CD5: variants seen among roughly 807,000 people sequenced by gnomAD.
CD5 encodes CD5 molecule, also known as T-cell surface glycoprotein CD5.
A neutral mutation model predicts 60.3 loss-of-function variants in CD5; 36 were observed. That is an observed-to-expected ratio of 0.60 (90% CI 0.46 to 0.79). The LOEUF (loss-of-function observed/expected upper bound fraction) is 0.79, where lower values mean the gene tolerates loss of function less well. CD5 is among the 30% of genes least tolerant of loss of function. CD5 has a pLI of 0.00. For synonymous variants in CD5, 230 were observed against 257.6 expected (o/e 0.89, Z 1.03); for missense variants, 540 against 630.6 (o/e 0.86, Z 1.54).
At chr11:61,109,529 T>A (rs920760666) in intron 1 of CD5, among the ~76,000 whole-genome samples, 1 of 149,850 alleles carries the variant, frequency 6.7e-6, no homozygotes, top group South Asian at 2.1e-4. Context: ...TTTTTTTTTT[T>A]AATTTGGCTC....
chr11:61,103,850 A>G (rs1203572176), intron 1 of CD5, among the ~76,000 whole-genome samples: 13 of 79,028 alleles, frequency 1.6e-4, no homozygotes, highest in Non-Finnish European at 2.7e-4. Context: ...GTGGGGGGGA[A>G]TGTGTGAGTC....
intron 1 of CD5, among the ~76,000 whole-genome samples, chr11:61,105,108 C>G (rs113201281): frequency 0.018 from 2,685 of 152,346 alleles, 67 homozygotes; most frequent in South Asian, 0.059. Flanking sequence ...TGGCTGGCAT[C>G]GGGGCTTGGG....
chr11:61,096,529 G>A, the CD5 span, among the ~76,000 whole-genome samples: 2 of 152,164 alleles, frequency 1.3e-5, no homozygotes, highest in Non-Finnish European at 1.5e-5. Flanking sequence ...TGTCTACCAC[G>A]GACCTGCTCG....
At chr11:61,110,327 CTG>C (rs1248498602) in intron 1 of CD5, among the ~76,000 whole-genome samples, 1 of 152,228 alleles carries the variant, frequency 6.6e-6, no homozygotes, top group Admixed American at 6.5e-5. Flanking sequence ...CCTCCACCAG[CTG>C]CTGAAATCCA....
chr11:61,095,658 T>A, the CD5 span, among the ~76,000 whole-genome samples: 20 of 151,980 alleles, frequency 1.3e-4, no homozygotes, highest in African/African-American at 4.6e-4. Flanking sequence ...AGACCCCCAA[T>A]AGGACCTGAA....
Position 61,118,930 on chromosome 11 carries a change from C to T in CD5, c.416C>T (p.Thr139Ile). 2 of 1,613,880 alleles carry T rather than the reference C, an allele frequency of 1.2e-6. No homozygotes were observed. The highest frequency in any genetic ancestry group is 8.5e-7 in the Non-Finnish European group (1 of 1,179,900). ...GLTCLEPQKT[T>I]PPTTRPPPTT... Reference sequence around the variant, plus strand: ...CTCATTGCAGAACCCCAGAAGACAACACCTCCAACGACAAGGCCCCCGCCC... The same window carrying T: ...CTCATTGCAGAACCCCAGAAGACAATACCTCCAACGACAAGGCCCCCGCCC... Residue 139 changes from threonine to isoleucine, a missense_variant, in exon 4 of 11, where the codon ACA (threonine) becomes ATA (isoleucine). Physicochemically the swap from Thr to Ile is moderately conservative, Grantham distance 89. Transcript: ENST00000347785. This position sits in a 1 kb window ranked among gnomAD's most constrained non-coding sequence, Gnocchi z 4.7.
intron 1 of CD5, among the ~76,000 whole-genome samples, chr11:61,110,550 T>C (rs1860839914): frequency 6.6e-6 from 1 of 152,176 alleles, no homozygotes; most frequent in Non-Finnish European, 1.5e-5. Context: ...TTGATCAGGA[T>C]TGCACACCAG....
At chr11:61,113,686 A>AAAGACAGAATCTC (rs1860892453) in intron 1 of CD5, among the ~76,000 whole-genome samples, 1 of 151,078 alleles carries the variant, frequency 6.6e-6, no homozygotes. Context: ...TTTTTCTTGT[A>AAAGACAGAATCTC]AAGACAGAAT....
In CD5 at chr11:61,118,424, C is replaced by T. The variant is rs1207808872; in HGVS notation, c.344C>T (p.Ser115Phe). 2.5e-6 allele frequency: 4 copies of T among 1,614,266 alleles called. No individual in the cohort carries two copies. Among genetic ancestry groups the T allele is most frequent in the African/African-American group, 2.7e-5 (2 of 75,068 alleles). The change falls in exon 3 of 11, where the codon TCC (serine) becomes TTC (phenylalanine). Residue 115 changes from serine to phenylalanine, a missense_variant. Ser to Phe is a radical substitution (Grantham distance 155). Transcript: ENST00000347785. This position sits in a 1 kb window ranked among gnomAD's most constrained non-coding sequence, Gnocchi z 4.7. ...TGCTACGGACAACTGGGCTCCTTCT[C>T]CAACTGCAGCCACAGCAGAAATGAC... Reference protein sequence around the residue: ...IICYGQLGSFSNCSHSRNDMC... With the variant: ...IICYGQLGSFFNCSHSRNDMC...
chr11:61,097,671 C>T (rs577736988), upstream of CD5, among the ~76,000 whole-genome samples: 152 of 152,248 alleles, frequency 1.0e-3, 2 homozygotes, highest in African/African-American at 3.5e-3. Context: ...AGGTGAACTC[C>T]TGGGCTTCCC....
chr11:61,123,781 C>T (rs1307483352), intron 7 of CD5, 103 bp from the exon 8 acceptor site: 3 of 889,916 alleles, frequency 3.4e-6, no homozygotes, highest in Middle Eastern at 3.2e-4. Flanking sequence ...CTGCACCTGC[C>T]GCCACCATCT....
At position 61,125,757 on chromosome 11, in the gene CD5, A is replaced by C. The variant is rs762511442; in HGVS notation, c.1406A>C (p.Glu469Ala). Residue 469 changes from glutamate to alanine, a missense_variant, in exon 10 of 11, where the codon GAA becomes GCA. Transcript: ENST00000347785. ...NSHLSAYPAL[E>A]GALHRSSMQP... ...GCGTCCTTTCTTTCCCCAGCTCTGG[A>C]AGGGGCTCTGCATCGCTCCTCCATG... 6.2e-7 allele frequency: 1 copy of C among 1,610,344 alleles called. No individual in the cohort carries two copies. Among genetic ancestry groups the C allele is most frequent in the East Asian group, 2.2e-5 (1 of 44,730 alleles).
chr11:61,123,938 G>GT lies in CD5; in HGVS notation c.1279+2dup, dbSNP rs751459682. On this transcript the variant is annotated splice_donor_variant, in intron 8 of 10. Coordinates refer to ENST00000347785, the MANE Select transcript of CD5 (RefSeq NM_014207.4). LOFTEE classifies it high-confidence loss of function. ...GGCCCAACGGGAATGAACCAAAACA[G>GT]TAAGTGTCCCCGGAGGCAGGAGCCT... 1.1e-5 allele frequency: 18 copies of GT among 1,612,732 alleles called. No homozygotes were observed. Among genetic ancestry groups the GT allele is most frequent in the Middle Eastern group, 1.7e-4 (1 of 6,058 alleles).
intron 2 of CD5, among the ~76,000 whole-genome samples, chr11:61,116,759 CCACA>C (rs1206256107): frequency 8.1e-6 from 1 of 123,236 alleles, no homozygotes; most frequent in Non-Finnish European, 1.7e-5. Context: ...CACACACACA[CCACA>C]CACACCACGC....
At chr11:61,094,076 A>G in the CD5 span, among the ~76,000 whole-genome samples, 1 of 152,062 alleles carries the variant, frequency 6.6e-6, no homozygotes, top group Non-Finnish European at 1.5e-5. Context: ...ACCAGGAAGC[A>G]AAGTGATTAA....
upstream of CD5, among the ~76,000 whole-genome samples, chr11:61,100,293 T>C (rs200800548): frequency 3.9e-3 from 191 of 48,632 alleles, no homozygotes; most frequent in East Asian, 6.0e-3. Context: ...AGATCACACA[T>C]ACATCAACAT....
At chr11:61,125,376 G>A (rs1437136672) in intron 9 of CD5, among the ~76,000 whole-genome samples, 1 of 152,236 alleles carries the variant, frequency 6.6e-6, no homozygotes, top group Non-Finnish European at 1.5e-5. Flanking sequence ...CATCTGGAGA[G>A]AAGAATGCAC....
At chr11:61,114,647 GTAA>G (rs1298952278) in intron 1 of CD5, among the ~76,000 whole-genome samples, 4 of 151,852 alleles carry the variant, frequency 2.6e-5, no homozygotes, top group Non-Finnish European at 5.9e-5. Context: ...GTCTCAAAAA[GTAA>G]TAATAATAAT....
chr11:61,124,034 G>A, intron 8 of CD5, 97 bp downstream of exon 8: 1 of 940,316 alleles, frequency 1.1e-6, no homozygotes, highest in Non-Finnish European at 1.7e-6. Flanking sequence ...GGAGCCTGTG[G>A]CTGCTTGAAG....
Sources: gnomAD v4.1 joint callset for allele counts (sites outside exome capture counted in the v4.1 genomes callset) on GRCh38, gnomAD v4.1.1 for gene constraint, Gnocchi (gnomAD v3.1) non-coding constraint, MANE v1.5 for transcripts, NCBI Gene and HGNC (gene_info 2026-07-23, HGNC 2026-07-21) for gene names.